Variants in PPFIBP2 observed in about 807,000 individuals in gnomAD.
PPFIBP2 encodes the protein PPFIB scaffold protein 2.
PPFIBP2 carries 118 observed loss-of-function variants against 118.3 expected under a neutral mutation model. The ratio of observed to expected loss-of-function variants is 1.00; its 90% CI spans 0.86 to 1.16. PPFIBP2 has a LOEUF of 1.16. Among genes scored for constraint, PPFIBP2 ranks in the 50% most tolerant of loss-of-function variants. The pLI is 0.00. For missense variants in PPFIBP2, 1,195 were observed against 1,073.1 expected (o/e 1.11, Z -1.59); for synonymous variants, 414 against 397.4 (o/e 1.04, Z -0.50).
At chr11:7,590,860 T>C (rs570923972) in intron 3 of PPFIBP2, among the ~76,000 whole-genome samples, 1 of 152,358 alleles carries the variant, frequency 6.6e-6, no homozygotes, top group East Asian at 1.9e-4. Flanking sequence ...TGGATATTGC[T>C]GATCCCATCA....
chr11:7,645,717 C>T (rs564552885), intron 17 of PPFIBP2, among the ~76,000 whole-genome samples: 1 of 152,014 alleles, frequency 6.6e-6, no homozygotes, highest in African/African-American at 2.4e-5. Context: ...GGAGATGATG[C>T]CCAGAGCTCT....
At chr11:7,591,925 C>G (rs759473543) in intron 3 of PPFIBP2, among the ~76,000 whole-genome samples, 5 of 152,026 alleles carry the variant, frequency 3.3e-5, no homozygotes, top group Non-Finnish European at 5.9e-5. Context: ...AAGGAGGTGC[C>G]TTTTCTCATG....
chr11:7,575,086 G>A (rs1392241226), intron 3 of PPFIBP2, among the ~76,000 whole-genome samples: 2 of 151,846 alleles, frequency 1.3e-5, no homozygotes, highest in Admixed American at 6.6e-5. Flanking sequence ...TTTTTGTGTC[G>A]AACATCTTTA....
intron 8 of PPFIBP2, 124 bp from the exon 9 acceptor site, chr11:7,628,161 T>G: frequency 1.3e-6 from 1 of 750,062 alleles, no homozygotes; most frequent in Non-Finnish European, 2.2e-6. Context: ...CCGGCCTCTT[T>G]AAAGAACTAA....
chr11:7,544,701 G>T lies in PPFIBP2; in HGVS notation c.-36-4739G>T, dbSNP rs112510858. 6.9e-3 allele frequency among the ~76,000 whole-genome samples: 1,040 copies of T among 151,312 alleles called. 8 individuals carry two copies. Among genetic ancestry groups the T allele is most frequent in the African/African-American group, 0.024 (989 of 41,112 alleles). ...AGTGAGGAGAATGGCATGAACCCGG[G>T]AGGCGGAGGTTGCAGTGAGCTGAGA... On this transcript the variant is annotated intron_variant, in intron 1 of 23. Transcript: ENST00000299492.
intron 3 of PPFIBP2, among the ~76,000 whole-genome samples, chr11:7,567,608 C>G (rs140596789): frequency 1.3e-5 from 2 of 152,210 alleles, no homozygotes; most frequent in African/African-American, 4.8e-5. Flanking sequence ...GGTTTTTATT[C>G]TGGACAGAGA....
In PPFIBP2 at chr11:7,653,098, C is replaced by T. The variant is rs750814068; in HGVS notation, c.2511C>T (p.Cys837=). 13 of 1,614,054 alleles carry T rather than the reference C, an allele frequency of 8.1e-6. No homozygotes were observed. In the African/African-American group the frequency reaches 1.6e-4, roughly 20 times the overall value. The change falls in exon 24 of 24, where the codon TGC becomes TGT. Residue 837 remains cysteine (C), a synonymous_variant. Transcript: ENST00000299492. ...TCGATGAATCGACGGACTACATTTG[C>T]CCAATGGAGCCCAGTGACGGTGTCA... ...KKFDESTDYI[C]PMEPSDGVSD...
At chr11:7,666,886 A>G in the PPFIBP2 span, 1 of 234,836 alleles carries the variant, frequency 4.3e-6, no homozygotes, top group South Asian at 6.1e-5. Context: ...ATCTACACTG[A>G]GCTCTAGCAC....
downstream of PPFIBP2, among the ~76,000 whole-genome samples, chr11:7,660,671 T>A (rs1272555332): frequency 6.6e-6 from 1 of 151,476 alleles, no homozygotes; most frequent in East Asian, 1.9e-4. Flanking sequence ...TAAAATGAGT[T>A]AGGGAGGATT....
At chr11:7,647,469 C>T (rs1853270291) in intron 17 of PPFIBP2, among the ~76,000 whole-genome samples, 1 of 152,068 alleles carries the variant, frequency 6.6e-6, no homozygotes, top group African/African-American at 2.4e-5. Flanking sequence ...CAGTCAATAC[C>T]TCTCCCCACC....
At chr11:7,606,628 G>C (rs962208263) in intron 5 of PPFIBP2, among the ~76,000 whole-genome samples, 11 of 152,188 alleles carry the variant, frequency 7.2e-5, no homozygotes, top group Non-Finnish European at 1.2e-4. Flanking sequence ...AATTGTGAAT[G>C]TCTGTTTGGA....
intron 18 of PPFIBP2, 115 bp downstream of exon 18, chr11:7,648,652 A>G (rs1412172926): frequency 2.7e-6 from 4 of 1,499,556 alleles, no homozygotes; most frequent in Non-Finnish European, 2.8e-6. Context: ...GGAGGCTGAG[A>G]GTTCCTCTGT....
chr11:7,554,923 A>G (rs753718738), intron 2 of PPFIBP2, among the ~76,000 whole-genome samples: 7 of 152,058 alleles, frequency 4.6e-5, no homozygotes, highest in Non-Finnish European at 1.0e-4. Flanking sequence ...TGGTTCTAAT[A>G]TGAAAGACCA....
At chr11:7,656,933 G>A (rs2136080895), downstream of PPFIBP2, 1 of 580,690 alleles carries the variant, frequency 1.7e-6, no homozygotes, top group East Asian at 6.7e-5. Flanking sequence ...GCTGCTGACA[G>A]GCATGAAGCA....
chr11:7,585,891 A>G (rs1858071838), intron 3 of PPFIBP2, among the ~76,000 whole-genome samples: 1 of 152,248 alleles, frequency 6.6e-6, no homozygotes, highest in South Asian at 2.1e-4. Flanking sequence ...AGTGTTTATG[A>G]TTGGTTATTA....
intron 1 of PPFIBP2, among the ~76,000 whole-genome samples, chr11:7,537,032 G>C (rs1457630904): frequency 1.3e-5 from 2 of 152,232 alleles, no homozygotes; most frequent in East Asian, 3.9e-4. Flanking sequence ...AGAGATCCTT[G>C]AGCTCCTTGA....
At chr11:7,548,310 T>G (rs1184472651) in intron 1 of PPFIBP2, 2 of 152,242 alleles carry the variant, frequency 1.3e-5, no homozygotes, top group African/African-American at 4.8e-5. Flanking sequence ...GGTGCCCATT[T>G]TCCTGTCTTC....
intron 3 of PPFIBP2, among the ~76,000 whole-genome samples, chr11:7,575,455 C>T (rs1319147189): frequency 6.6e-6 from 1 of 152,120 alleles, no homozygotes; most frequent in Non-Finnish European, 1.5e-5. Flanking sequence ...CTCTTTTCTC[C>T]TCTCTTGTAC....
intron 7 of PPFIBP2, among the ~76,000 whole-genome samples, chr11:7,623,546 C>T (rs879838411): frequency 1.3e-5 from 2 of 152,182 alleles, no homozygotes; most frequent in Admixed American, 6.5e-5. Context: ...AGGTTGGGCC[C>T]AGTCACTTGG....
Sources: allele counts gnomAD v4.1 joint callset (sites outside exome capture counted in the v4.1 genomes callset), GRCh38; gene constraint gnomAD v4.1.1; transcripts MANE v1.5; gene names NCBI Gene and HGNC (gene_info 2026-07-23, HGNC 2026-07-21).